Variants in FAM171A1 observed in about 807,000 individuals in gnomAD.
The protein encoded by FAM171A1 is family with sequence similarity 171 member A1.
FAM171A1 carries 23 observed loss-of-function variants against 74.9 expected under a neutral mutation model. The observed-to-expected ratio is 0.31, with a 90% CI of 0.22 to 0.44. The LOEUF (loss-of-function observed/expected upper bound fraction) is 0.44. Among genes scored for constraint, FAM171A1 ranks in the 20% least tolerant of loss-of-function variants. The pLI, the probability that FAM171A1 is intolerant of heterozygous loss-of-function variation, is 1.00. For missense variants in FAM171A1, 1,162 were observed against 1,159.2 expected (o/e 1.00, Z -0.03); for synonymous variants, 527 against 505.7 (o/e 1.04, Z -0.57).
At chr10:15,351,248 T>C (rs906489733) in intron 1 of FAM171A1, among the ~76,000 whole-genome samples, 5 of 152,228 alleles carry the variant, frequency 3.3e-5, no homozygotes, top group African/African-American at 1.2e-4. Flanking sequence ...GCCCAGGAAC[T>C]GGGTGGCCCC....
intron 2 of FAM171A1, among the ~76,000 whole-genome samples, chr10:15,278,747 G>A (rs1050715630): frequency 6.6e-6 from 1 of 152,194 alleles, no homozygotes; most frequent in Non-Finnish European, 1.5e-5. Flanking sequence ...CAGGGGCTGG[G>A]AGGTGTGGGA....
At chr10:15,309,683 A>G (rs945100769) in intron 1 of FAM171A1, among the ~76,000 whole-genome samples, 31 of 152,244 alleles carry the variant, frequency 2.0e-4, no homozygotes, top group African/African-American at 7.5e-4. Context: ...GAATCTACAA[A>G]CAAAACAAAG....
At position 15,214,017 on chromosome 10, in the gene FAM171A1, G is replaced by A. The variant is rs945430580; in HGVS notation, c.1571C>T (p.Ser524Leu). 1.2e-6 allele frequency: 2 copies of A among 1,614,086 alleles called. No homozygotes were observed. Among genetic ancestry groups the A allele is most frequent in the African/African-American group, 2.7e-5 (2 of 74,932 alleles). Reference sequence around the variant, plus strand: ...CAGCAGCTGTTCTTTCTCAGGTGATGAAGGCGCGGGGTACAGATGTTCCTG... The same window carrying A: ...CAGCAGCTGTTCTTTCTCAGGTGATAAAGGCGCGGGGTACAGATGTTCCTG... ...TIQEHLYPAP[S>L]SPEKEQLLDR... The change falls in exon 8 of 8, where the codon TCA becomes TTA. Residue 524 changes from serine to leucine, a missense_variant. Physicochemically the swap from Ser to Leu is moderately radical, Grantham distance 145 (BLOSUM62 -2). Coordinates refer to ENST00000378116, the MANE Select transcript of FAM171A1 (RefSeq NM_001010924.2).
intron 1 of FAM171A1, 68 bp downstream of exon 1, chr10:15,370,888 C>A (rs1026826779): frequency 4.9e-6 from 4 of 818,532 alleles, no homozygotes; most frequent in Non-Finnish European, 5.9e-6. Context: ...CCGCCGCCGC[C>A]GCCGCCGCCG....
intron 1 of FAM171A1, among the ~76,000 whole-genome samples, chr10:15,319,429 A>AT (rs201114209): frequency 0.026 from 3,954 of 151,972 alleles, 177 homozygotes; most frequent in African/African-American, 0.09. Context: ...TAGTCCAGGG[A>AT]TTTTTTTTAT....
chr10:15,262,914 G>A (rs1001637852), intron 3 of FAM171A1, among the ~76,000 whole-genome samples: 2 of 152,224 alleles, frequency 1.3e-5, no homozygotes, highest in East Asian at 3.9e-4. Context: ...GACCACTCGG[G>A]AAGGCGTGCT....
chr10:15,337,582 A>G (rs75110755), intron 1 of FAM171A1, among the ~76,000 whole-genome samples: 10,802 of 58,946 alleles, frequency 0.18, 498 homozygotes, highest in Middle Eastern at 0.24. Flanking sequence ...GGTGGCTCAC[A>G]CGTGTAATCC....
At chr10:15,327,730 T>G (rs1454226831) in intron 1 of FAM171A1, among the ~76,000 whole-genome samples, 1 of 152,022 alleles carries the variant, frequency 6.6e-6, no homozygotes, top group Non-Finnish European at 1.5e-5. Context: ...TGAGAACACA[T>G]GGACATAAAG....
At position 15,278,996 on chromosome 10, in the gene FAM171A1, G is replaced by A. The variant is rs912212688; in HGVS notation, c.326-3049C>T. Among the ~76,000 whole-genome samples, 21 of 152,224 alleles carry A rather than the reference G, an allele frequency of 1.4e-4. No homozygotes were observed. The East Asian group carries it at 3.9e-3, about 28-fold the overall frequency. ...AGCACACCTCAAAACCCGGGCTAGG[G>A]TTACACTCCATGCCCTCCTAAACGA... On this transcript the variant is annotated intron_variant, in intron 2 of 7. Coordinates refer to ENST00000378116, the MANE Select transcript of FAM171A1 (RefSeq NM_001010924.2).
intron 5 of FAM171A1, among the ~76,000 whole-genome samples, chr10:15,234,798 A>G (rs1406029254): frequency 1.3e-5 from 2 of 151,392 alleles, no homozygotes; most frequent in Admixed American, 1.3e-4. Context: ...GACTACAGGC[A>G]CCCACCACCA....
At chr10:15,313,033 TTGA>T (rs1336924091) in intron 1 of FAM171A1, among the ~76,000 whole-genome samples, 2 of 152,258 alleles carry the variant, frequency 1.3e-5, no homozygotes, top group Non-Finnish European at 2.9e-5. Flanking sequence ...CGAGATGTTC[TTGA>T]TGAAGCAAGC....
At chr10:15,350,489 G>A (rs1204233881) in intron 1 of FAM171A1, among the ~76,000 whole-genome samples, 4 of 151,480 alleles carry the variant, frequency 2.6e-5, no homozygotes, top group African/African-American at 7.3e-5. Context: ...CTATAGGCAC[G>A]TGCCACCACG....
chr10:15,303,326 G>T (rs1835255438), intron 1 of FAM171A1, among the ~76,000 whole-genome samples: 1 of 152,132 alleles, frequency 6.6e-6, no homozygotes. Context: ...GAAATTTCCT[G>T]CTTCATCTAT....
At chr10:15,319,429 AT>A (rs201114209) in intron 1 of FAM171A1, among the ~76,000 whole-genome samples, 1 of 151,872 alleles carries the variant, frequency 6.6e-6, no homozygotes, top group Non-Finnish European at 1.5e-5. Context: ...TAGTCCAGGG[AT>A]TTTTTTTATT....
intron 1 of FAM171A1, among the ~76,000 whole-genome samples, chr10:15,343,442 G>T (rs975771744): frequency 6.6e-6 from 1 of 152,164 alleles, no homozygotes; most frequent in African/African-American, 2.4e-5. Flanking sequence ...TCAGCGCCTA[G>T]AACAGTGCTT....
At chr10:15,245,200 G>C (rs1375460629) in intron 5 of FAM171A1, among the ~76,000 whole-genome samples, 2 of 152,052 alleles carry the variant, frequency 1.3e-5, no homozygotes, top group Non-Finnish European at 2.9e-5. Context: ...GGCGTAGCTG[G>C]GATTATAGGC....
intron 3 of FAM171A1, among the ~76,000 whole-genome samples, chr10:15,266,358 G>A (rs1834740759): frequency 6.6e-6 from 1 of 152,118 alleles, no homozygotes; most frequent in Non-Finnish European, 1.5e-5. Context: ...GGAGGGATAG[G>A]GCCACAGGAC....
chr10:15,275,101 G>A (rs911722106), intron 3 of FAM171A1, among the ~76,000 whole-genome samples: 8 of 152,176 alleles, frequency 5.3e-5, no homozygotes, highest in East Asian at 3.9e-4. Flanking sequence ...GGGGCCTGTC[G>A]TGGGGTTGGG....
At chr10:15,224,215 A>G (rs1834076313) in intron 5 of FAM171A1, among the ~76,000 whole-genome samples, 1 of 152,118 alleles carries the variant, frequency 6.6e-6, no homozygotes, top group African/African-American at 2.4e-5. Flanking sequence ...GCCAGGAGAA[A>G]GAGAAGGAGG....
Sources: allele counts gnomAD v4.1 joint callset (sites outside exome capture counted in the v4.1 genomes callset), GRCh38; gene constraint gnomAD v4.1.1; transcripts MANE v1.5; gene names NCBI Gene and HGNC (gene_info 2026-07-23, HGNC 2026-07-21).